SKOR1: variants seen among roughly 807,000 people sequenced by gnomAD.
SKOR1 encodes LBX1 corepressor 1.
SKOR1 carries 38 observed loss-of-function variants against 72.4 expected under a neutral mutation model. The observed-to-expected ratio is 0.52, with a 90% confidence interval of 0.40 to 0.69. The LOEUF (loss-of-function observed/expected upper bound fraction) is 0.69, where lower values mean the gene tolerates loss of function less well. Ranked by LOEUF, SKOR1 falls within the 30% of genes least tolerant of loss-of-function variation. SKOR1 has a pLI of 0.00. For synonymous variants in SKOR1, 642 were observed against 599.4 expected (o/e 1.07, Z -1.04); for missense variants, 1,320 against 1,343.2 (o/e 0.98, Z 0.27).
chr15:67,833,096 G>A lies in SKOR1; in HGVS notation c.2738-96G>A, dbSNP rs2091021013. Reference sequence around the variant, plus strand: ...ATCCCTGGAGTTGTTTCTGCGCGGAGCTTAGCCCTGGGGAGAGGAGGAAGC... The same window carrying A: ...ATCCCTGGAGTTGTTTCTGCGCGGAACTTAGCCCTGGGGAGAGGAGGAAGC... On this transcript the variant is annotated intron_variant, in intron 7 of 8. Transcript: ENST00000380035. The surrounding 1 kb of genome is among the most constrained non-coding windows in gnomAD (Gnocchi z 6.0). 1.5e-6 allele frequency: 2 copies of A among 1,320,476 alleles called. No individual in the cohort carries two copies. Among genetic ancestry groups the A allele is most frequent in the Non-Finnish European group, 2.2e-6 (2 of 926,804 alleles). The allele number at this position is 1,320,476 out of a possible 1,614,324, so 81.8% of individuals were successfully genotyped here. A position where few individuals can be genotyped will look rare whatever the true frequency, so the allele number is the denominator to read the frequency against.
At position 67,827,999 on chromosome 15, in the gene SKOR1, G is replaced by C. The variant is rs760726956; in HGVS notation, c.2171G>C (p.Gly724Ala). The C allele has an allele frequency of 1.7e-5, 26 of 1,539,886 alleles. No individual in the cohort carries two copies. The South Asian group carries it at 3.1e-4, about 18-fold the overall frequency. ...AGCCCCCGCCCCCGGCGCCGCCTCG[G>C]GCCACCCCCAGCTGGCCGGCCCGCA... ...GGSPRPRRRL[G>A]PPPAGRPAFG... The change falls in exon 2 of 9, where the codon GGG becomes GCG. Residue 724 changes from glycine to alanine, a missense_variant. Coordinates refer to ENST00000380035, the MANE Select transcript of SKOR1 (RefSeq NM_001365915.1).
In SKOR1 at chr15:67,833,269, G is replaced by T. The variant is rs983533132; in HGVS notation, c.2803+12G>T. On this transcript the variant is annotated intron_variant, in intron 8 of 8. Coordinates refer to ENST00000380035, the MANE Select transcript of SKOR1 (RefSeq NM_001365915.1). This position sits in a 1 kb window ranked among gnomAD's most constrained non-coding sequence, Gnocchi z 6.0. Reference sequence around the variant, plus strand: ...GCAGAAATTGAAAGGTGCGGAAGCCGGGAAACAAAGATAGGAGGGGTGCTG... The same window carrying T: ...GCAGAAATTGAAAGGTGCGGAAGCCTGGAAACAAAGATAGGAGGGGTGCTG... 1 of 1,613,886 alleles carries T rather than the reference G, an allele frequency of 6.2e-7. No individual in the cohort carries two copies. Among genetic ancestry groups the T allele is most frequent in the African/African-American group, 1.3e-5 (1 of 74,930 alleles).
At position 67,825,892 on chromosome 15, in the gene SKOR1, C is replaced by CGCT. The variant is rs1566975398; in HGVS notation, c.108-42_108-40dup. ...GGGCGGGCCCGAGCCTCGGCGGCGG[C>CGCT]GCTGAAAATGGCTCATCTGCTCTCT... On this transcript the variant is annotated intron_variant, in intron 1 of 8. Transcript: ENST00000380035. The surrounding 1 kb of genome is among the most constrained non-coding windows in gnomAD (Gnocchi z 5.6). The CGCT allele has an allele frequency of 1.3e-6, 2 of 1,509,574 alleles. No homozygotes were observed. Among genetic ancestry groups the CGCT allele is most frequent in the African/African-American group, 2.8e-5 (2 of 71,752 alleles). 93.5% of individuals were successfully genotyped at this position (1,509,574 alleles called of 1,614,324 possible).
At chr15:67,830,344 T>C in intron 4 of SKOR1, 46 bp downstream of exon 4, 1 of 1,583,030 alleles carries the variant, frequency 6.3e-7, no homozygotes, top group South Asian at 1.1e-5. Flanking sequence ...ACCCAGGAGC[T>C]GGGACCCAGG....
rs754770203 is a variant in SKOR1, at chr15:67,827,379, G to A, written c.1551G>A (p.Val517=). ...AAGCCAAGGCCGTGGCGGCAGCCGT[G>A]GCGGCGGCAGCGGCGGCGGCAGCGG... ...QSQAKAVAAA[V]AAAAAAAAAA... is the part of the protein sequence containing the mutation. Residue 517 remains valine (V), a synonymous_variant, in exon 2 of 9, where the codon GTG becomes GTA. Coordinates refer to ENST00000380035, the MANE Select transcript of SKOR1 (RefSeq NM_001365915.1). 2.6e-6 allele frequency: 4 copies of A among 1,559,674 alleles called. No homozygotes were observed. The highest frequency in any genetic ancestry group is 4.8e-5 in the East Asian group (2 of 41,982).
In SKOR1 at chr15:67,834,208, G is replaced by T. The variant is rs1204054951; in HGVS notation, c.*372G>T. 6 of 323,764 alleles carry T rather than the reference G, an allele frequency of 1.9e-5. No individual in the cohort carries two copies. Among genetic ancestry groups the T allele is most frequent in the South Asian group, 3.2e-5 (1 of 30,876 alleles). The allele number at this position is 323,764 out of a possible 1,614,324, so 20.1% of individuals were successfully genotyped here. A position where few individuals can be genotyped will look rare whatever the true frequency, so the allele number is the denominator to read the frequency against. ...AATACAATGTAGCAACTTCGCTGGC[G>T]CCTGCCCCGCACTCCCCGTCCCGTC... On this transcript the variant is annotated 3_prime_UTR_variant, in exon 9 of 9. Transcript: ENST00000380035. The surrounding 1 kb of genome is among the most constrained non-coding windows in gnomAD (Gnocchi z 5.8).
rs1273335849 is a variant in SKOR1 at position 67,826,446 on chromosome 15, G to A, written c.618G>A (p.Lys206=). The A allele has an allele frequency of 6.2e-7, 1 of 1,614,016 alleles. No individual in the cohort carries two copies. The highest frequency in any genetic ancestry group is 8.5e-7 in the Non-Finnish European group (1 of 1,180,038). ...CGCGTTACAACAGCTCTCGTGCCAA[G>A]TGCATCAAGTGCGGCTACTGCAGCA... is the stretch of plus-strand genomic sequence containing the variant. ...IPARYNSSRA[K]CIKCGYCSMY... Residue 206 remains lysine (K), a synonymous_variant, in exon 2 of 9, where the codon AAG becomes AAA. Coordinates refer to ENST00000380035, the MANE Select transcript of SKOR1 (RefSeq NM_001365915.1).
chr15:67,827,767 A>T lies in SKOR1; in HGVS notation c.1939A>T (p.Asn647Tyr). ...TCTGAGCGAGGGCAGCTCCAGCTACAATTCCGCCTCGCCCGACGTGGACAC... is the reference window on the plus strand; with the variant it reads ...TCTGAGCGAGGGCAGCTCCAGCTACTATTCCGCCTCGCCCGACGTGGACAC... ...DFLSEGSSSY[N>Y]SASPDVDTAD... The change falls in exon 2 of 9, where the codon AAT (asparagine) becomes TAT (tyrosine). Residue 647 changes from asparagine (N) to tyrosine (Y), a missense_variant. Around this residue, in one of 3 missense-constraint regions of SKOR1, gnomAD observed 1,099 missense variants for 1,025.5 expected, o/e 1.07. Transcript: ENST00000380035. The T allele has an allele frequency of 6.4e-7, 1 of 1,556,612 alleles. No homozygotes were observed. The highest frequency in any genetic ancestry group is 8.7e-7 in the Non-Finnish European group (1 of 1,150,166).
intron 3 of SKOR1, among the ~76,000 whole-genome samples, chr15:67,829,587 T>C (rs1313825818): frequency 1.3e-5 from 2 of 151,954 alleles, no homozygotes; most frequent in Non-Finnish European, 2.9e-5. Flanking sequence ...AGCAAGTGTG[T>C]TTGGCCGCGG....
chr15:67,833,284 G>A lies in SKOR1; in HGVS notation c.2803+27G>A, dbSNP rs370319601. 8.7e-6 allele frequency: 14 copies of A among 1,613,196 alleles called. No homozygotes were observed. Among genetic ancestry groups the A allele is most frequent in the Non-Finnish European group, 1.1e-5 (13 of 1,179,408 alleles). On this transcript the variant is annotated intron_variant, in intron 8 of 8. Coordinates refer to ENST00000380035, the MANE Select transcript of SKOR1 (RefSeq NM_001365915.1). The surrounding 1 kb of genome is among the most constrained non-coding windows in gnomAD (Gnocchi z 6.0). ...TGCGGAAGCCGGGAAACAAAGATAGGAGGGGTGCTGGGTGCCGGCCGTGCT... is the reference window on the plus strand; with the variant it reads ...TGCGGAAGCCGGGAAACAAAGATAGAAGGGGTGCTGGGTGCCGGCCGTGCT...
chr15:67,833,368 G>C lies in SKOR1; in HGVS notation c.2803+111G>C. The C allele has an allele frequency of 9.0e-7, 1 of 1,109,392 alleles. No homozygotes were observed. The highest frequency in any genetic ancestry group is 1.9e-5 in the Admixed American group (1 of 52,280). The allele number at this position is 1,109,392 out of a possible 1,614,324, so 68.7% of individuals were successfully genotyped here. ...GGAAGGCCACGATCCACGTGGATCA[G>C]GATCTGTGAGGGAGAAAAGTGGGAA... On this transcript the variant is annotated intron_variant, in intron 8 of 8. Coordinates refer to ENST00000380035, the MANE Select transcript of SKOR1 (RefSeq NM_001365915.1). This position sits in a 1 kb window ranked among gnomAD's most constrained non-coding sequence, Gnocchi z 6.0.
Position 67,833,925 on chromosome 15 carries a change from C to T in SKOR1, c.*89C>T. The T allele has an allele frequency of 1.4e-6, 2 of 1,386,196 alleles. No homozygotes were observed. Among genetic ancestry groups the T allele is most frequent in the South Asian group, 1.2e-5 (1 of 86,392 alleles). The allele number at this position is 1,386,196 out of a possible 1,614,324, so 85.9% of individuals were successfully genotyped here. A position where few individuals can be genotyped will look rare whatever the true frequency, so the allele number is the denominator to read the frequency against. Reference sequence around the variant, plus strand: ...CGGTGGCCCTGAGCGAGGAACAAGCCATTCGGACCCGACCGATGTAAATAC... The same window carrying T: ...CGGTGGCCCTGAGCGAGGAACAAGCTATTCGGACCCGACCGATGTAAATAC... On this transcript the variant is annotated 3_prime_UTR_variant, in exon 9 of 9. Transcript: ENST00000380035. This position sits in a 1 kb window ranked among gnomAD's most constrained non-coding sequence, Gnocchi z 6.0.
chr15:67,832,466 A>C lies in SKOR1; in HGVS notation c.2662+118A>C. ...GGTACTAGGTGCCCTGCAGGAGACA[A>C]GAAACTGTCCTTTTCCAGGGCTGCA... On this transcript the variant is annotated intron_variant, in intron 6 of 8. Coordinates refer to ENST00000380035, the MANE Select transcript of SKOR1 (RefSeq NM_001365915.1). This position sits in a 1 kb window ranked among gnomAD's most constrained non-coding sequence, Gnocchi z 4.5. 1 of 1,354,900 alleles carries C rather than the reference A, an allele frequency of 7.4e-7. No homozygotes were observed. The highest frequency in any genetic ancestry group is 1.0e-6 in the Non-Finnish European group (1 of 957,986). The allele number at this position is 1,354,900 out of a possible 1,614,324, so 83.9% of individuals were successfully genotyped here.
chr15:67,830,741 G>A, intron 4 of SKOR1, 77 bp from the exon 5 acceptor site: 1 of 1,409,742 alleles, frequency 7.1e-7, no homozygotes, highest in Non-Finnish European at 1.0e-6. Flanking sequence ...ATTCGATGTG[G>A]TTCCTGGGAA....
chr15:67,830,083 G>A, intron 3 of SKOR1, 108 bp from the exon 4 acceptor site: 1 of 1,119,856 alleles, frequency 8.9e-7, no homozygotes, highest in African/African-American at 1.5e-5. Context: ...ACCAGAGGCG[G>A]CCACGACGCT....
chr15:67,828,456 GT>G (rs1270844251), intron 2 of SKOR1, among the ~76,000 whole-genome samples: 1 of 152,214 alleles, frequency 6.6e-6, no homozygotes, highest in Non-Finnish European at 1.5e-5. Context: ...GAAAAGGGGT[GT>G]GGAGAAAGAA....
chr15:67,830,105 C>G, intron 3 of SKOR1, 86 bp from the exon 4 acceptor site: 2 of 1,379,312 alleles, frequency 1.5e-6, no homozygotes, highest in Non-Finnish European at 2.0e-6. Flanking sequence ...TTAATTAGGG[C>G]TGGGGCGCCC....
At position 67,828,031 on chromosome 15, in the gene SKOR1, G is replaced by T; in HGVS notation, c.2203G>T (p.Asp735Tyr). ...PPPAGRPAFG[D>Y]LAAEDLVRRP... The stretch of plus-strand genomic sequence containing the variant: ...CCCAGCTGGCCGGCCCGCATTTGGG[G>T]ACTTGGCAGCCGAAGACTTGGTGCG... Residue 735 changes from aspartate (D) to tyrosine (Y), a missense_variant, in exon 2 of 9, where the codon GAC becomes TAC. Asp to Tyr is a radical substitution (Grantham distance 160). Coordinates refer to ENST00000380035, the MANE Select transcript of SKOR1 (RefSeq NM_001365915.1). 3 of 1,539,758 alleles carry T rather than the reference G, an allele frequency of 1.9e-6. No homozygotes were observed. The highest frequency in any genetic ancestry group is 2.6e-6 in the Non-Finnish European group (3 of 1,144,970).
rs2091023691 is a variant in SKOR1 at position 67,833,361 on chromosome 15, TGG to T, written c.2803+105_2803+106del. 8.5e-7 allele frequency: 1 copy of T among 1,178,970 alleles called. No homozygotes were observed. The highest frequency in any genetic ancestry group is 1.3e-6 in the Non-Finnish European group (1 of 796,376). 73.0% of individuals were successfully genotyped at this position (1,178,970 alleles called of 1,614,324 possible). On this transcript the variant is annotated intron_variant, in intron 8 of 8. Coordinates refer to ENST00000380035, the MANE Select transcript of SKOR1 (RefSeq NM_001365915.1). The surrounding 1 kb of genome is among the most constrained non-coding windows in gnomAD (Gnocchi z 6.0). ...CTAGTGAGGAAGGCCACGATCCACG[TGG>T]ATCAGGATCTGTGAGGGAGAAAAGT...
Sources: gnomAD v4.1 joint callset for allele counts (sites outside exome capture counted in the v4.1 genomes callset) on GRCh38, gnomAD v4.1.1 for gene constraint, gnomAD v4.1.1 regional missense constraint, Gnocchi (gnomAD v3.1) non-coding constraint, MANE v1.5 for transcripts, NCBI Gene and HGNC (gene_info 2026-07-23, HGNC 2026-07-21) for gene names.